Variants in PRKCE observed in about 807,000 individuals in gnomAD.
PRKCE encodes the protein protein kinase C epsilon.
A neutral mutation model predicts 85.4 loss-of-function variants in PRKCE; 16 were observed. The ratio of observed to expected loss-of-function variants is 0.19; its 90% CI spans 0.13 to 0.28. The LOEUF (loss-of-function observed/expected upper bound fraction) is 0.28. Among genes scored for constraint, PRKCE ranks in the 10% least tolerant of loss-of-function variants. The pLI is 1.00. For synonymous variants in PRKCE, 388 were observed against 371.5 expected (o/e 1.04, Z -0.51); for missense variants, 573 against 975.2 (o/e 0.59, Z 5.49).
intron 14 of PRKCE, among the ~76,000 whole-genome samples, chr2:46,169,760 G>A (rs962947764): frequency 1.1e-4 from 17 of 152,146 alleles, no homozygotes; most frequent in Non-Finnish European, 1.6e-4. Context: ...CCTGGGAGGC[G>A]TGGCAGACTC....
chr2:45,986,830 A>G (rs1174600355), intron 6 of PRKCE, among the ~76,000 whole-genome samples: 2 of 152,060 alleles, frequency 1.3e-5, no homozygotes, highest in African/African-American at 4.8e-5. Flanking sequence ...CCGTTGGAGT[A>G]TTCTTTCTAG....
intron 1 of PRKCE, among the ~76,000 whole-genome samples, chr2:45,799,041 C>T (rs1418777919): frequency 6.6e-6 from 1 of 151,998 alleles, no homozygotes; most frequent in Non-Finnish European, 1.5e-5. Context: ...TGGTGGGCTC[C>T]TGTAGTCCCA....
chr2:45,665,793 C>T (rs1396202168), intron 1 of PRKCE, among the ~76,000 whole-genome samples: 1 of 152,098 alleles, frequency 6.6e-6, no homozygotes, highest in Non-Finnish European at 1.5e-5. Flanking sequence ...TTTAGCTTGG[C>T]CTTCGATTTT....
chr2:45,659,845 T>TTC (rs1675554391), intron 1 of PRKCE, among the ~76,000 whole-genome samples: 1 of 152,134 alleles, frequency 6.6e-6, no homozygotes, highest in South Asian at 2.1e-4. Flanking sequence ...GCCTTTTTTT[T>TTC]TTTTTACTCT....
chr2:45,991,027 G>A (rs1306886981), intron 6 of PRKCE, among the ~76,000 whole-genome samples: 2 of 126,504 alleles, frequency 1.6e-5, no homozygotes, highest in African/African-American at 5.9e-5. Context: ...TTTTTTTTTT[G>A]ACAGAGTCTC....
In PRKCE at chr2:46,114,272, G is replaced by A. The variant is rs139710264; in HGVS notation, c.1592+27910G>A. ...CAGCCTGCCATGAGAGGACATTTCT[G>A]TGCCTGTCTTAGTGTCCAGCGATCA... On this transcript the variant is annotated intron_variant, in intron 11 of 14. Transcript: ENST00000306156. Among the ~76,000 whole-genome samples the A allele has an allele frequency of 3.6e-3, 555 of 152,214 alleles. 6 individuals carry two copies. The highest frequency in any genetic ancestry group is 0.017 in the Middle Eastern group (5 of 292).
Position 46,061,859 on chromosome 2 carries a change from C to CTTTT in PRKCE, c.1438-24334_1438-24331dup, listed in dbSNP as rs10695600. ...TTTTCTTTTCTTTTCTTTTCTTTTT[C>CTTTT]TTTTTTTTTTTTTTTTTTGCAACAG... is the stretch of plus-strand genomic sequence containing the variant. On this transcript the variant is annotated intron_variant, in intron 10 of 14. Transcript: ENST00000306156. Among the ~76,000 whole-genome samples the CTTTT allele has an allele frequency of 5.2e-4, 56 of 107,748 alleles. 1 individual carries two copies. Among genetic ancestry groups the CTTTT allele is most frequent in the Middle Eastern group, 6.4e-3 (1 of 156 alleles). 70.7% of individuals were successfully genotyped at this position (107,748 alleles called of 152,430 possible).
intron 2 of PRKCE, among the ~76,000 whole-genome samples, chr2:45,874,138 A>G (rs896057267): frequency 1.3e-5 from 2 of 152,234 alleles, no homozygotes; most frequent in Non-Finnish European, 2.9e-5. Flanking sequence ...AAGTCACACC[A>G]TGTAGGTAAC....
intron 10 of PRKCE, among the ~76,000 whole-genome samples, chr2:46,025,594 A>G (rs1707043008): frequency 6.6e-6 from 1 of 152,214 alleles, no homozygotes; most frequent in African/African-American, 2.4e-5. Flanking sequence ...CGGGTCACAT[A>G]CACGCTCATG....
chr2:45,748,494 C>T lies in PRKCE; in HGVS notation c.349-94506C>T, dbSNP rs538257160. Among the ~76,000 whole-genome samples, 7 of 152,280 alleles carry T rather than the reference C, an allele frequency of 4.6e-5. No homozygotes were observed. In the Middle Eastern group the frequency reaches 0.014, roughly 296 times the overall value. ...AAACGCCTGTGCCTGGCAAGCAGGC[C>T]GCTGCCAGCATCCCTGACTCTGCAA... On this transcript the variant is annotated intron_variant, in intron 1 of 14. Transcript: ENST00000306156.
intron 1 of PRKCE, among the ~76,000 whole-genome samples, chr2:45,661,358 T>A (rs1285559916): frequency 6.6e-6 from 1 of 151,704 alleles, no homozygotes; most frequent in Non-Finnish European, 1.5e-5. Flanking sequence ...AATTTCTGTA[T>A]TTTTAGTAGA....
In PRKCE at chr2:46,001,388, C is replaced by G; in HGVS notation, c.824-16C>G. On this transcript the variant is annotated splice_polypyrimidine_tract_variant and intron_variant, in intron 6 of 14. Transcript: ENST00000306156. The surrounding 1 kb of genome is among the most constrained non-coding windows in gnomAD (Gnocchi z 4.4). ...CCATGAACACTTATCTGTCTTTTCT[C>G]CATGTCTCCTTACAGTCTGCAAAAT... is the stretch of plus-strand genomic sequence containing the variant. The G allele has an allele frequency of 6.3e-7, 1 of 1,594,716 alleles. No homozygotes were observed. The highest frequency in any genetic ancestry group is 8.5e-7 in the Non-Finnish European group (1 of 1,176,810).
intron 1 of PRKCE, among the ~76,000 whole-genome samples, chr2:45,795,601 C>T (rs764048416): frequency 6.6e-6 from 1 of 152,164 alleles, no homozygotes; most frequent in African/African-American, 2.4e-5. Flanking sequence ...TGAGCCACTG[C>T]GCCCGGCCTG....
At chr2:45,752,703 G>T (rs1683676759) in intron 1 of PRKCE, among the ~76,000 whole-genome samples, 1 of 152,138 alleles carries the variant, frequency 6.6e-6, no homozygotes, top group Non-Finnish European at 1.5e-5. Flanking sequence ...TCCTGCGTCT[G>T]CAGGCGTATT....
rs536838055 is a variant in PRKCE at position 45,998,811 on chromosome 2, C to T, written c.824-2593C>T. On this transcript the variant is annotated intron_variant, in intron 6 of 14. Coordinates refer to ENST00000306156, the MANE Select transcript of PRKCE (RefSeq NM_005400.3). ...AGCATTTAATATGTTCGTATTGTTT[C>T]TCTCCTTTCTTAGCGTATCATTTAT... Among the ~76,000 whole-genome samples the T allele has an allele frequency of 1.1e-4, 16 of 152,130 alleles. No individual in the cohort carries two copies. The South Asian group carries it at 1.7e-3, about 16-fold the overall frequency.
intron 2 of PRKCE, among the ~76,000 whole-genome samples, chr2:45,922,051 G>A (rs1698288699): frequency 6.6e-6 from 1 of 152,152 alleles, no homozygotes; most frequent in African/African-American, 2.4e-5. Context: ...TTTCTGCATA[G>A]GGGAATTCTT....
intron 14 of PRKCE, among the ~76,000 whole-genome samples, chr2:46,171,320 C>T (rs144373057): frequency 6.6e-6 from 1 of 152,338 alleles, no homozygotes; most frequent in African/African-American, 2.4e-5. Context: ...TACGAAATAA[C>T]CCCAAAAGAC....
rs1678259745 is a variant in PRKCE at position 45,697,572 on chromosome 2, T to C, written c.348+45124T>C. On this transcript the variant is annotated intron_variant, in intron 1 of 14. Transcript: ENST00000306156. This position sits in a 1 kb window ranked among gnomAD's most constrained non-coding sequence, Gnocchi z 4.2. ...CAGGGTGGACTGGTTGGCATCTCTA[T>C]GTGGGTGGCATCTCTAGCTCTTTCT... Among the ~76,000 whole-genome samples, 1 of 152,136 alleles carries C rather than the reference T, an allele frequency of 6.6e-6. No individual in the cohort carries two copies. The highest frequency in any genetic ancestry group is 6.5e-5 in the Admixed American group (1 of 15,282).
chr2:45,806,881 C>G (rs938840918), intron 1 of PRKCE, among the ~76,000 whole-genome samples: 1 of 152,104 alleles, frequency 6.6e-6, no homozygotes, highest in African/African-American at 2.4e-5. Context: ...AAGGTAGGGT[C>G]CGGGCTTGCT....
Sources: gnomAD v4.1 joint callset for allele counts (sites outside exome capture counted in the v4.1 genomes callset) on GRCh38, gnomAD v4.1.1 for gene constraint, Gnocchi (gnomAD v3.1) non-coding constraint, MANE v1.5 for transcripts, NCBI Gene and HGNC (gene_info 2026-07-23, HGNC 2026-07-21) for gene names.